KMT2B: variants seen among roughly 807,000 people sequenced by gnomAD.
The protein encoded by KMT2B is lysine methyltransferase 2B.
KMT2B carries 22 observed loss-of-function variants against 255.3 expected under a neutral mutation model. That is an observed-to-expected ratio of 0.09 (90% CI 0.06 to 0.12). The LOEUF is 0.12. KMT2B is among the 10% of genes least tolerant of loss of function. KMT2B has a pLI of 1.00. For synonymous variants in KMT2B, 1,730 were observed against 1,498.1 expected, an observed-to-expected ratio of 1.15 and a Z score of -3.57; for missense variants, 3,149 against 3,737.0, an observed-to-expected ratio of 0.84 and a Z score of 4.10.
In KMT2B at chr19:35,737,385, G is replaced by A; in HGVS notation, c.7550+122G>A. 9.0e-7 allele frequency: 1 copy of A among 1,112,430 alleles called. No individual in the cohort carries two copies. Among genetic ancestry groups the A allele is most frequent in the Non-Finnish European group, 1.2e-6 (1 of 807,404 alleles). 68.9% of individuals were successfully genotyped at this position (1,112,430 alleles called of 1,614,324 possible). On this transcript the variant is annotated intron_variant, in intron 33 of 36. Coordinates refer to ENST00000420124, the MANE Select transcript of KMT2B (RefSeq NM_014727.3). The surrounding 1 kb of genome is among the most constrained non-coding windows in gnomAD (Gnocchi z 5.3). ...GAGGAGACACTAGGTCACTTGAAGA[G>A]TTATTTCTAGAGTTAGCCAGGCTCC...
chr19:35,722,323 A>C (rs747413333), intron 3 of KMT2B, 36 bp from the exon 4 acceptor site: 1 of 1,557,814 alleles, frequency 6.4e-7, no homozygotes, highest in Non-Finnish European at 8.7e-7. Flanking sequence ...ATCTTTCCTC[A>C]CTGTCCAGCC....
At position 35,737,450 on chromosome 19, in the gene KMT2B, GGCAGGAGGATC is replaced by G. The variant is rs1389457122; in HGVS notation, c.7551-182_7551-172del. 1 of 793,232 alleles carries G rather than the reference GGCAGGAGGATC, an allele frequency of 1.3e-6. No individual in the cohort carries two copies. Among genetic ancestry groups the G allele is most frequent in the Non-Finnish European group, 1.9e-6 (1 of 516,214 alleles). The allele number at this position is 793,232 out of a possible 1,614,324, so 49.1% of individuals were successfully genotyped here. ...TAATCCCGCCACTTTGGGAGGCCGA[GGCAGGAGGATC>G]GCATGAGCCCAGGAGTTGGAGACCA... On this transcript the variant is annotated intron_variant, in intron 33 of 36. Coordinates refer to ENST00000420124, the MANE Select transcript of KMT2B (RefSeq NM_014727.3). This position sits in a 1 kb window ranked among gnomAD's most constrained non-coding sequence, Gnocchi z 5.3.
chr19:35,726,075 C>CCCT (rs376618219), intron 13 of KMT2B, among the ~76,000 whole-genome samples, 161 bp from the exon 14 acceptor site: 64 of 152,298 alleles, frequency 4.2e-4, no homozygotes, highest in African/African-American at 1.5e-3. Flanking sequence ...TCCTCTCCTG[C>CCCT]CCTCATGTTC....
chr19:35,732,471 C>T lies in KMT2B; in HGVS notation c.5922C>T (p.Gly1974=), dbSNP rs2146467759. 6.2e-7 allele frequency: 1 copy of T among 1,613,906 alleles called. No individual in the cohort carries two copies. The highest frequency in any genetic ancestry group is 2.2e-5 in the East Asian group (1 of 44,882). Reference sequence around the variant, plus strand: ...CTCCACCACCCCCTGAAGACCTGGGCCCAGACTTCGAGGACATGGAGGTGG... The same window carrying T: ...CTCCACCACCCCCTGAAGACCTGGGTCCAGACTTCGAGGACATGGAGGTGG... ...APSPPPPEDL[G]PDFEDMEVVS... The change falls in exon 28 of 37, where the codon GGC becomes GGT. Residue 1974 remains glycine (G), a synonymous_variant. Coordinates refer to ENST00000420124, the MANE Select transcript of KMT2B (RefSeq NM_014727.3).
At chr19:35,730,168 C>G in intron 23 of KMT2B, 43 bp downstream of exon 23, 1 of 1,611,214 alleles carries the variant, frequency 6.2e-7, no homozygotes. Flanking sequence ...CCCCACCTCT[C>G]TTCCTGTTCA....
At position 35,732,916 on chromosome 19, in the gene KMT2B, G is replaced by A. The variant is rs1191264694; in HGVS notation, c.6367G>A (p.Gly2123Ser). Residue 2123 changes from glycine to serine, a missense_variant, in exon 28 of 37, where the codon GGT (glycine) becomes AGT (serine). Gly to Ser is a moderately conservative substitution (Grantham distance 56, BLOSUM62 0). This residue lies in a region of KMT2B where 897 missense variants were observed against 825.3 expected (regional missense o/e 1.09). Transcript: ENST00000420124. ...IVDFVLKNLG[G>S]PGDGGAGPRE... ...GGATTTTGTGTTGAAGAACCTAGGG[G>A]GTCCTGGGGATGGAGGTGCTGGCCC... The A allele has an allele frequency of 6.2e-7, 1 of 1,609,482 alleles. No homozygotes were observed. Among genetic ancestry groups the A allele is most frequent in the Non-Finnish European group, 8.5e-7 (1 of 1,178,498 alleles).
intron 26 of KMT2B, among the ~76,000 whole-genome samples, 189 bp from the exon 27 acceptor site, chr19:35,731,719 T>C (rs1377256045): frequency 6.6e-6 from 1 of 152,160 alleles, no homozygotes; most frequent in African/African-American, 2.4e-5. Context: ...GAAGGCCCCC[T>C]GGCCCAGGTG....
chr19:35,720,997 C>T lies in KMT2B; in HGVS notation c.1650C>T (p.Asp550=). The stretch of plus-strand genomic sequence containing the variant: ...CACCCCGGCGATTTATGGATGAAGA[C>T]CCCCCCAAACCCCCAAAGGTGGAGG... The part of the protein sequence containing the change: ...IKTPRRFMDE[D]PPKPPKVEVS... Residue 550 remains aspartate (D), a synonymous_variant, in exon 3 of 37, where the codon GAC becomes GAT. Transcript: ENST00000420124. The T allele has an allele frequency of 1.7e-5, 28 of 1,609,668 alleles. No homozygotes were observed. The highest frequency in any genetic ancestry group is 2.4e-5 in the Non-Finnish European group (28 of 1,178,428).
intron 13 of KMT2B, 105 bp from the exon 14 acceptor site, chr19:35,726,131 C>G: frequency 1.2e-6 from 1 of 828,094 alleles, no homozygotes; most frequent in Non-Finnish European, 2.0e-6. Context: ...ACCTGTCCCT[C>G]CTTGCCTGCT....
chr19:35,722,310 C>T lies in KMT2B; in HGVS notation c.2458-49C>T, dbSNP rs748113553. The T allele has an allele frequency of 7.8e-6, 12 of 1,533,352 alleles. No homozygotes were observed. The Admixed American group carries it at 7.9e-5, about 10-fold the overall frequency. The allele number at this position is 1,533,352 out of a possible 1,614,324, so 95.0% of individuals were successfully genotyped here. A position where few individuals can be genotyped will look rare whatever the true frequency, so the allele number is the denominator to read the frequency against. On this transcript the variant is annotated intron_variant, in intron 3 of 36. Coordinates refer to ENST00000420124, the MANE Select transcript of KMT2B (RefSeq NM_014727.3). ...CAGCCACCACACCCAGCTCCCTGTC[C>T]CTATCTTTCCTCACTGTCCAGCCCC...
Position 35,723,026 on chromosome 19 carries a change from C to T in KMT2B, c.2754C>T (p.Val918=), listed in dbSNP as rs751212583. The stretch of plus-strand genomic sequence containing the variant: ...CATCGGCGTCCGAGACTGAGAGTGT[C>T]CCGTCACGGTCCCGGCGGGGAAAGG... ...DTSSASETES[V]PSRSRRGKVE... is the part of the protein sequence containing the mutation. The change falls in exon 6 of 37, where the codon GTC becomes GTT. Residue 918 remains valine (V), a synonymous_variant. Coordinates refer to ENST00000420124, the MANE Select transcript of KMT2B (RefSeq NM_014727.3). This position sits in a 1 kb window ranked among gnomAD's most constrained non-coding sequence, Gnocchi z 7.5. The T allele has an allele frequency of 1.9e-6, 3 of 1,610,164 alleles. No individual in the cohort carries two copies. The highest frequency in any genetic ancestry group is 2.2e-5 in the South Asian group (2 of 90,884).
Position 35,737,967 on chromosome 19 carries a change from G to A in KMT2B, c.7742+25G>A, listed in dbSNP as rs1321473087. 6.2e-7 allele frequency: 1 copy of A among 1,605,702 alleles called. No individual in the cohort carries two copies. Among genetic ancestry groups the A allele is most frequent in the Admixed American group, 1.7e-5 (1 of 58,458 alleles). On this transcript the variant is annotated intron_variant, in intron 35 of 36. Transcript: ENST00000420124. This position sits in a 1 kb window ranked among gnomAD's most constrained non-coding sequence, Gnocchi z 5.3. The stretch of plus-strand genomic sequence containing the variant: ...GGTGAGTGGGGTTGGGGGGGAGGAT[G>A]CCCCTTGGGTGGACGGACAGGTGCA...
rs1343447548 is a variant in KMT2B at position 35,724,633 on chromosome 19, C to T, written c.3335-4C>T. 1.3e-6 allele frequency: 2 copies of T among 1,589,696 alleles called. No individual in the cohort carries two copies. The highest frequency in any genetic ancestry group is 2.3e-5 in the East Asian group (1 of 43,474). ...GACCTCACTGCTCATTGTGTCCTGC[C>T]TAGAGCTGCCACTGCCAGAACCTGA... On this transcript the variant is annotated splice_polypyrimidine_tract_variant and splice_region_variant and intron_variant, in intron 8 of 36. Coordinates refer to ENST00000420124, the MANE Select transcript of KMT2B (RefSeq NM_014727.3).
chr19:35,721,560 T>G lies in KMT2B; in HGVS notation c.2213T>G (p.Leu738Arg). 6.2e-7 allele frequency: 1 copy of G among 1,611,680 alleles called. No individual in the cohort carries two copies. Among genetic ancestry groups the G allele is most frequent in the Non-Finnish European group, 8.5e-7 (1 of 1,179,860 alleles). Residue 738 changes from leucine (L) to arginine (R), a missense_variant, in exon 3 of 37, where the codon CTG becomes CGG. Leu to Arg is a moderately radical substitution (Grantham distance 102). This residue lies in a region of KMT2B where 1,188 missense variants were observed against 1,106.4 expected (regional missense o/e 1.07). Transcript: ENST00000420124. Reference sequence around the variant, plus strand: ...GGGCCACAGACACAGGCTCAGCTACTGCAGCCCCTGCAGGCCTTGCAAACC... The same window carrying G: ...GGGCCACAGACACAGGCTCAGCTACGGCAGCCCCTGCAGGCCTTGCAAACC... ...SNGPQTQAQL[L>R]QPLQALQTQL...
intron 30 of KMT2B, among the ~76,000 whole-genome samples, chr19:35,735,042 G>A (rs1266569088): frequency 1.3e-5 from 2 of 152,194 alleles, no homozygotes; most frequent in Non-Finnish European, 1.5e-5. Context: ...AGTGGGCACT[G>A]AGAAACCGAG....
At position 35,737,556 on chromosome 19, in the gene KMT2B, C is replaced by A; in HGVS notation, c.7551-80C>A. On this transcript the variant is annotated intron_variant, in intron 33 of 36. Transcript: ENST00000420124. This position sits in a 1 kb window ranked among gnomAD's most constrained non-coding sequence, Gnocchi z 5.3. ...AAAAAGTTATTTCTAGAGCTGACATCAGAAAAATGAACCCCACCCATTTCC... is the reference window on the plus strand; with the variant it reads ...AAAAAGTTATTTCTAGAGCTGACATAAGAAAAATGAACCCCACCCATTTCC... The A allele has an allele frequency of 1.0e-6, 1 of 967,108 alleles. No individual in the cohort carries two copies. 59.9% of individuals were successfully genotyped at this position (967,108 alleles called of 1,614,324 possible).
At chr19:35,730,674 C>G (rs759797072) in intron 25 of KMT2B, 33 bp from the exon 26 acceptor site, 3 of 1,613,924 alleles carry the variant, frequency 1.9e-6, no homozygotes. Flanking sequence ...TCCCATTTCC[C>G]AAGCATCCTA....
intron 26 of KMT2B, among the ~76,000 whole-genome samples, chr19:35,731,517 G>C (rs1016192403): frequency 2.0e-5 from 3 of 152,214 alleles, no homozygotes; most frequent in Non-Finnish European, 4.4e-5. Flanking sequence ...GTTTGCAGAG[G>C]TTGGGTGGAG....
Position 35,727,228 on chromosome 19 carries a change from A to G in KMT2B, c.4076A>G (p.Gln1359Arg), listed in dbSNP as rs770555708. The G allele has an allele frequency of 1.9e-5, 30 of 1,613,566 alleles. No homozygotes were observed. The highest frequency in any genetic ancestry group is 2.4e-5 in the Non-Finnish European group (28 of 1,179,804). ...DYESKMMQCA[Q>R]CDHWVHAKCE... ...GAGAGCAAGATGATGCAGTGCGCAC[A>G]GTGCGATCACTGGGTGCATGCCAAG... The change falls in exon 15 of 37, where the codon CAG becomes CGG. Residue 1359 changes from glutamine (Q) to arginine (R), a missense_variant. Physicochemically the swap from Gln to Arg is conservative, Grantham distance 43. This residue lies in a region of KMT2B where 377 missense variants were observed against 471.0 expected (regional missense o/e 0.80). Coordinates refer to ENST00000420124, the MANE Select transcript of KMT2B (RefSeq NM_014727.3). This position sits in a 1 kb window ranked among gnomAD's most constrained non-coding sequence, Gnocchi z 4.2.
Sources: gnomAD v4.1 joint callset for allele counts (sites outside exome capture counted in the v4.1 genomes callset) on GRCh38, gnomAD v4.1.1 for gene constraint, gnomAD v4.1.1 regional missense constraint, Gnocchi (gnomAD v3.1) non-coding constraint, MANE v1.5 for transcripts, NCBI Gene and HGNC (gene_info 2026-07-23, HGNC 2026-07-21) for gene names.